Variants in SGK1 observed in about 807,000 individuals in gnomAD.
SGK1 encodes serine/threonine-protein kinase Sgk1.
Under a neutral mutation model 64.2 loss-of-function variants are expected in SGK1, and 26 were observed. The ratio of observed to expected loss-of-function variants is 0.40; its 90% confidence interval spans 0.30 to 0.56. The LOEUF is 0.56. SGK1 is among the 20% of genes least tolerant of loss of function. The pLI, the probability that SGK1 is intolerant of heterozygous loss-of-function variation, is 0.38. For missense variants in SGK1, 519 were observed against 645.6 expected, an observed-to-expected ratio of 0.80 and a Z score of 2.12; for synonymous variants, 265 against 239.7, an observed-to-expected ratio of 1.11 and a Z score of -0.98.
chr6:134,196,095 A>T (rs1305392558), intron 3 of SGK1, among the ~76,000 whole-genome samples: 2 of 152,210 alleles, frequency 1.3e-5, no homozygotes, highest in Non-Finnish European at 2.9e-5. Context: ...ATCCCCACAA[A>T]ATTCTATAAT....
In SGK1 at chr6:134,175,025, C is replaced by T. The variant is rs1375908069; in HGVS notation, c.362-439G>A. ...CGCTGCCTGCGGCGGGCGGTTCTGT[C>T]CCCATTGAGAGGGCGAGCCCCGGGC... On this transcript the variant is annotated intron_variant, in intron 3 of 13. Coordinates refer to ENST00000367858, the MANE Select transcript of SGK1 (RefSeq NM_001143676.3). The T allele has an allele frequency of 1.0e-5, 9 of 893,226 alleles. No individual in the cohort carries two copies. In the African/African-American group the frequency reaches 1.2e-4, roughly 12 times the overall value. 55.3% of individuals were successfully genotyped at this position (893,226 alleles called of 1,614,324 possible).
intron 3 of SGK1, chr6:134,175,552 C>A: frequency 1.3e-6 from 2 of 1,538,836 alleles, no homozygotes; most frequent in Non-Finnish European, 1.8e-6. Flanking sequence ...ACCCAGTCCG[C>A]TCAGCAGGAA....
At chr6:134,213,548 A>ATAAATAAATAAAT (rs1562252878) in intron 2 of SGK1, among the ~76,000 whole-genome samples, 9 of 140,576 alleles carry the variant, frequency 6.4e-5, no homozygotes, top group African/African-American at 1.5e-4. Flanking sequence ...TAAATAAATA[A>ATAAATAAATAAAT]AATGTCCTCA....
intron 3 of SGK1, among the ~76,000 whole-genome samples, chr6:134,203,104 C>T (rs1280109813): frequency 1.3e-5 from 2 of 152,110 alleles, no homozygotes; most frequent in Middle Eastern, 3.4e-3. Flanking sequence ...ATTAGCCAGG[C>T]GTGGTGGCAC....
chr6:134,224,089 C>A (rs1776132742), intron 2 of SGK1, among the ~76,000 whole-genome samples: 1 of 152,068 alleles, frequency 6.6e-6, no homozygotes, highest in Non-Finnish European at 1.5e-5. Flanking sequence ...TGATATGAAA[C>A]ACATGTTAAA....
intron 1 of SGK1, among the ~76,000 whole-genome samples, chr6:134,283,347 T>C (rs1777123978): frequency 6.6e-6 from 1 of 151,864 alleles, no homozygotes; most frequent in South Asian, 2.1e-4. Context: ...AAAAATTAGC[T>C]GGGCGTGGTG....
intron 1 of SGK1, among the ~76,000 whole-genome samples, chr6:134,316,769 A>G (rs1431127097): frequency 6.9e-5 from 10 of 144,040 alleles, no homozygotes; most frequent in Admixed American, 6.4e-4. Flanking sequence ...AAAAAAAAAA[A>G]AAAGGCAGTT....
chr6:134,251,523 G>A (rs988341926), intron 2 of SGK1, among the ~76,000 whole-genome samples: 1 of 152,166 alleles, frequency 6.6e-6, no homozygotes, highest in African/African-American at 2.4e-5. Flanking sequence ...ATTTCCAGGA[G>A]AGGACAGGGA....
chr6:134,294,807 C>T (rs1201018177), intron 1 of SGK1, among the ~76,000 whole-genome samples: 4 of 152,132 alleles, frequency 2.6e-5, no homozygotes, highest in Admixed American at 2.6e-4. Flanking sequence ...GGAATACAGG[C>T]GTGAGCTACC....
chr6:134,235,197 T>C (rs1776343521), intron 2 of SGK1, among the ~76,000 whole-genome samples: 1 of 152,072 alleles, frequency 6.6e-6, no homozygotes, highest in Admixed American at 6.6e-5. Context: ...CAGGTGGAGG[T>C]TGAGCAGTCT....
At chr6:134,214,679 C>G (rs1775949520) in intron 2 of SGK1, among the ~76,000 whole-genome samples, 1 of 152,086 alleles carries the variant, frequency 6.6e-6, no homozygotes, top group Non-Finnish European at 1.5e-5. Flanking sequence ...ATTCTGCAGA[C>G]AGAATAATTT....
rs138186033 is a variant in SGK1, at chr6:134,316,403, A to C, written c.69+989T>G. Among the ~76,000 whole-genome samples, 21 of 152,264 alleles carry C rather than the reference A, an allele frequency of 1.4e-4. 1 individual carries two copies. Among genetic ancestry groups the C allele is most frequent in the South Asian group, 4.1e-4 (2 of 4,828 alleles). ...TTGGTGGAATTGCCCTAGGGTATTA[A>C]ATAGGATGGGGCAACTGGGGACTGG... is the stretch of plus-strand genomic sequence containing the variant. On this transcript the variant is annotated intron_variant, in intron 1 of 13. Coordinates refer to ENST00000367858, the MANE Select transcript of SGK1 (RefSeq NM_001143676.3).
rs140803971 is a variant in SGK1, at chr6:134,227,825, T to C, written c.286-20394A>G. On this transcript the variant is annotated intron_variant, in intron 2 of 13. Transcript: ENST00000367858. ...AACCAGGTAACAACTAAAACACATA[T>C]AGTAAATGAGTAATAAATCTTATTT... 2.3e-4 allele frequency among the ~76,000 whole-genome samples: 35 copies of C among 152,158 alleles called. No homozygotes were observed. The East Asian group carries it at 5.2e-3, about 23-fold the overall frequency.
At chr6:134,227,737 G>A (rs1242706232) in intron 2 of SGK1, among the ~76,000 whole-genome samples, 2 of 152,164 alleles carry the variant, frequency 1.3e-5, no homozygotes, top group Non-Finnish European at 2.9e-5. Flanking sequence ...AAAAGTAAAT[G>A]CAGTTAGCTT....
In SGK1 at chr6:134,291,938, G is replaced by A. The variant is rs1295898587; in HGVS notation, c.69+25454C>T. 2.6e-5 allele frequency among the ~76,000 whole-genome samples: 4 copies of A among 151,786 alleles called. No homozygotes were observed. The East Asian group carries it at 5.8e-4, about 22-fold the overall frequency. The stretch of plus-strand genomic sequence containing the variant: ...AAAAAATAGCCAGGCATGGTGGCAC[G>A]TGCTTTTAATCCCAGCTATTCAGGA... On this transcript the variant is annotated intron_variant, in intron 1 of 13. Coordinates refer to ENST00000367858, the MANE Select transcript of SGK1 (RefSeq NM_001143676.3).
At position 134,170,285 on chromosome 6, in the gene SGK1, T is replaced by C. The variant is rs1259532577; in HGVS notation, c.1564A>G (p.Thr522Ala). Residue 522 changes from threonine (T) to alanine (A), a missense_variant, in exon 14 of 14, where the codon ACG (threonine) becomes GCG (alanine). Transcript: ENST00000367858. Reference sequence around the variant, plus strand: ...AACAGGGTTCAGAGGAAAGAGTCCGTGGGAGGCGCATAGGAAAAGCCTAGG... The same window carrying C: ...AACAGGGTTCAGAGGAAAGAGTCCGCGGGAGGCGCATAGGAAAAGCCTAGG... ...AFLGFSYAPP[T>A]DSFL is the part of the protein sequence containing the mutation. 6.2e-7 allele frequency: 1 copy of C among 1,612,928 alleles called. No individual in the cohort carries two copies. The highest frequency in any genetic ancestry group is 8.5e-7 in the Non-Finnish European group (1 of 1,179,220).
intron 3 of SGK1, among the ~76,000 whole-genome samples, chr6:134,201,466 A>T (rs1308178669): frequency 1.3e-5 from 2 of 151,996 alleles, no homozygotes; most frequent in Non-Finnish European, 2.9e-5. Context: ...GGTTCAAGCA[A>T]TTCTTCTGCC....
At chr6:134,223,222 G>A (rs1020387099) in intron 2 of SGK1, among the ~76,000 whole-genome samples, 1 of 151,924 alleles carries the variant, frequency 6.6e-6, no homozygotes, top group Non-Finnish European at 1.5e-5. Flanking sequence ...TACAAAATTA[G>A]CCGGGCGTGG....
chr6:134,260,367 G>GGC (rs1491556165), intron 2 of SGK1: 2 of 56,856 alleles, frequency 3.5e-5, no homozygotes, highest in Non-Finnish European at 8.1e-5. Context: ...CCCTGTCCCC[G>GGC]ACCCCCACCC....
Sources: gnomAD v4.1 joint callset for allele counts (sites outside exome capture counted in the v4.1 genomes callset) on GRCh38, gnomAD v4.1.1 for gene constraint, MANE v1.5 for transcripts, NCBI Gene and HGNC (gene_info 2026-07-23, HGNC 2026-07-21) for gene names.